NT5DC3: variants seen among roughly 807,000 people sequenced by gnomAD.
NT5DC3 encodes 5'-nucleotidase domain containing 3.
A neutral mutation model predicts 67.8 loss-of-function variants in NT5DC3; 42 were observed. The observed-to-expected ratio is 0.62, with a 90% CI of 0.48 to 0.80. NT5DC3 has a LOEUF of 0.80. Ranked by LOEUF, NT5DC3 falls within the 30% of genes least tolerant of loss-of-function variation. The pLI, the probability that NT5DC3 is intolerant of heterozygous loss-of-function variation, is 0.00. For missense variants in NT5DC3, 570 were observed against 696.4 expected (o/e 0.82, Z 2.04); for synonymous variants, 237 against 255.6 (o/e 0.93, Z 0.69).
rs1263502409 is a variant in NT5DC3 at position 103,841,047 on chromosome 12, G to A, written c.110C>T (p.Ala37Val). Residue 37 changes from alanine (A) to valine (V), a missense_variant, in exon 1 of 14, where the codon GCG (alanine) becomes GTG (valine). Coordinates refer to ENST00000392876, the MANE Select transcript of NT5DC3 (RefSeq NM_001031701.3). ...AGTGCACAAGGGCCGGGCGGGGCCC[G>A]CACACGGCCGCCCCCGAGCCGCGGT... ...CGTAARGRPC[A>V]GPARPLCTAP... is the part of the protein sequence containing the mutation. 10 of 1,261,078 alleles carry A rather than the reference G, an allele frequency of 7.9e-6. No homozygotes were observed. Among genetic ancestry groups the A allele is most frequent in the African/African-American group, 6.2e-5 (4 of 64,368 alleles). 78.1% of individuals were successfully genotyped at this position (1,261,078 alleles called of 1,614,324 possible). A position where few individuals can be genotyped will look rare whatever the true frequency, so the allele number is the denominator to read the frequency against.
chr12:103,767,593 A>ACAT (rs1375649374), downstream of NT5DC3, among the ~76,000 whole-genome samples: 1 of 152,194 alleles, frequency 6.6e-6, no homozygotes, highest in Non-Finnish European at 1.5e-5. Flanking sequence ...ACTAAATAAT[A>ACAT]CATCATCTTT....
At position 103,777,892 on chromosome 12, in the gene NT5DC3, G is replaced by A. The variant is rs1313504332; in HGVS notation, c.1584C>T (p.Pro528=). The change falls in exon 14 of 14, where the codon CCC becomes CCT. Residue 528 remains proline (P), a synonymous_variant. Coordinates refer to ENST00000392876, the MANE Select transcript of NT5DC3 (RefSeq NM_001031701.3). Reference sequence around the variant, plus strand: ...AGGTGGGGGGCCTTTCTGACCAGGCGGGCAGTTCGTGCTGCAGTGGAGTCC... The same window carrying A: ...AGGTGGGGGGCCTTTCTGACCAGGCAGGCAGTTCGTGCTGCAGTGGAGTCC... The part of the protein sequence containing the change: ...PRRTPLQHEL[P]AWSERPPTFG... The A allele has an allele frequency of 1.9e-5, 30 of 1,614,030 alleles. No individual in the cohort carries two copies. The highest frequency in any genetic ancestry group is 8.8e-5 in the South Asian group (8 of 91,084).
chr12:103,761,274 C>T, the NT5DC3 span: 1 of 1,605,050 alleles, frequency 6.2e-7, no homozygotes, highest in South Asian at 1.1e-5. Flanking sequence ...GAGTAAAAGC[C>T]ATCAACCCTC....
Position 103,780,288 on chromosome 12 carries a change from G to A in NT5DC3, c.1394+12C>T, listed in dbSNP as rs373368722. 1 of 1,611,440 alleles carries A rather than the reference G, an allele frequency of 6.2e-7. No homozygotes were observed. Among genetic ancestry groups the A allele is most frequent in the Non-Finnish European group, 8.5e-7 (1 of 1,177,676 alleles). On this transcript the variant is annotated intron_variant, in intron 13 of 13. Transcript: ENST00000392876. The stretch of plus-strand genomic sequence containing the variant: ...GTGGTGGACGCGCACATTCAATACA[G>A]GCCTCTCTTACCGCATCTCCTTCCT...
At chr12:103,768,550 AGGGAGGCG>A (rs1335433254), downstream of NT5DC3, among the ~76,000 whole-genome samples, 4 of 3,732 alleles carry the variant, frequency 1.1e-3, no homozygotes, top group East Asian at 5.5e-3. Flanking sequence ...GGGGAGAGGG[AGGGAGGCG>A]GAGGGAGAGA....
chr12:103,771,137 A>G (rs1385893222), downstream of NT5DC3: 2 of 152,238 alleles, frequency 1.3e-5, no homozygotes, highest in Non-Finnish European at 2.9e-5. Flanking sequence ...ACAGTCTTAC[A>G]TACGTGTGTC....
At chr12:103,798,543 G>A (rs1269481745) in intron 5 of NT5DC3, 44 bp downstream of exon 5, 1 of 1,369,496 alleles carries the variant, frequency 7.3e-7, no homozygotes, top group South Asian at 1.2e-5. Flanking sequence ...CATGTTTCAA[G>A]AAGGAAAAAG....
chr12:103,835,527 G>A (rs980158315), intron 1 of NT5DC3, among the ~76,000 whole-genome samples: 4 of 152,176 alleles, frequency 2.6e-5, no homozygotes, highest in Non-Finnish European at 4.4e-5. Context: ...AGGACACAAA[G>A]CTAGTTATGG....
chr12:103,772,087 C>T (rs1362188084), downstream of NT5DC3, among the ~76,000 whole-genome samples: 1 of 152,084 alleles, frequency 6.6e-6, no homozygotes, highest in Non-Finnish European at 1.5e-5. Flanking sequence ...GAGAAGAAAC[C>T]TTTGAGCTTT....
intron 13 of NT5DC3, among the ~76,000 whole-genome samples, chr12:103,779,544 G>A (rs1403056939): frequency 6.6e-6 from 1 of 152,088 alleles, no homozygotes; most frequent in Non-Finnish European, 1.5e-5. Flanking sequence ...TCTGAGGAAT[G>A]GACTCACTGC....
intron 9 of NT5DC3, among the ~76,000 whole-genome samples, chr12:103,791,089 T>A (rs139130573): frequency 1.3e-5 from 2 of 152,254 alleles, no homozygotes; most frequent in African/African-American, 4.8e-5. Flanking sequence ...GTTTCTGACC[T>A]CTCATTATTA....
At chr12:103,828,695 T>TA (rs1887794909) in intron 1 of NT5DC3, among the ~76,000 whole-genome samples, 3 of 131,238 alleles carry the variant, frequency 2.3e-5, no homozygotes, top group Non-Finnish European at 4.9e-5. Flanking sequence ...ATTTTTTCTT[T>TA]CTTTTTATTT....
chr12:103,758,332 A>G, the NT5DC3 span: 2 of 1,606,622 alleles, frequency 1.2e-6, no homozygotes, highest in East Asian at 2.2e-5. Context: ...CTAGCATGTT[A>G]TCTATCACCA....
chr12:103,788,365 C>T (rs1885887012), intron 10 of NT5DC3, among the ~76,000 whole-genome samples: 1 of 152,202 alleles, frequency 6.6e-6, no homozygotes, highest in Non-Finnish European at 1.5e-5. Context: ...AGGATCACTT[C>T]AACTCAGGAG....
At chr12:103,830,175 C>T (rs913345155) in intron 1 of NT5DC3, among the ~76,000 whole-genome samples, 1 of 152,126 alleles carries the variant, frequency 6.6e-6, no homozygotes, top group Non-Finnish European at 1.5e-5. Context: ...TATTGTTAGC[C>T]CCATTTTACA....
intron 12 of NT5DC3, among the ~76,000 whole-genome samples, chr12:103,780,622 C>T (rs1337927502): frequency 6.6e-6 from 1 of 152,148 alleles, no homozygotes; most frequent in East Asian, 1.9e-4. Flanking sequence ...AGTTATTAAC[C>T]TATCAGTAAA....
At chr12:103,760,146 A>G in the NT5DC3 span, among the ~76,000 whole-genome samples, 1 of 152,176 alleles carries the variant, frequency 6.6e-6, no homozygotes, top group South Asian at 2.1e-4. Flanking sequence ...CTCATGGGAA[A>G]TTGTATTACC....
At chr12:103,836,047 G>GCATGGGAAAGACCAGCCCC (rs1321843709) in intron 1 of NT5DC3, among the ~76,000 whole-genome samples, 1 of 152,152 alleles carries the variant, frequency 6.6e-6, no homozygotes, top group Non-Finnish European at 1.5e-5. Flanking sequence ...CACGAGAATA[G>GCATGGGAAAGACCAGCCCC]CATGGGAAAG....
rs545830236 is a variant in NT5DC3 at position 103,826,295 on chromosome 12, T to C, written c.209-11174A>G. 2.6e-5 allele frequency among the ~76,000 whole-genome samples: 4 copies of C among 152,348 alleles called. No individual in the cohort carries two copies. In the East Asian group the frequency reaches 7.7e-4, roughly 29 times the overall value. On this transcript the variant is annotated intron_variant, in intron 1 of 13. Coordinates refer to ENST00000392876, the MANE Select transcript of NT5DC3 (RefSeq NM_001031701.3). ...CCCTAGAACCTGTGAATATGTTATC[T>C]TACATGGCAAGGGAGAATTAAGGTT...
Sources: gnomAD v4.1 joint callset for allele counts (sites outside exome capture counted in the v4.1 genomes callset) on GRCh38, gnomAD v4.1.1 for gene constraint, MANE v1.5 for transcripts, NCBI Gene and HGNC (gene_info 2026-07-23, HGNC 2026-07-21) for gene names.